The following ZSCAN32 variants were observed in gnomAD, a reference collection of about 807,000 sequenced individuals.
ZSCAN32 encodes the protein zinc finger and SCAN domain-containing protein 32.
ZSCAN32 carries 52 observed loss-of-function variants against 47.4 expected under a neutral mutation model. That is an observed-to-expected ratio of 1.10 (90% confidence interval 0.88 to 1.38). The LOEUF is 1.38. ZSCAN32 is among the 40% of genes most tolerant of loss of function. The pLI is 0.00. For missense variants in ZSCAN32, 959 were observed against 846.0 expected (o/e 1.13, Z -1.66); for synonymous variants, 346 against 305.7 (o/e 1.13, Z -1.38).
intron 2 of ZSCAN32, among the ~76,000 whole-genome samples, chr16:3,394,450 G>GT (rs1326839349): frequency 6.6e-6 from 1 of 152,074 alleles, no homozygotes; most frequent in African/African-American, 2.4e-5. Context: ...CCCAAATCCA[G>GT]TATCAGTTCT....
chr16:3,391,551 C>T (rs559679136), intron 3 of ZSCAN32, among the ~76,000 whole-genome samples: 3 of 151,890 alleles, frequency 2.0e-5, no homozygotes, highest in Admixed American at 1.3e-4. Flanking sequence ...TGGTGGCAGG[C>T]GCCTGTAATC....
At position 3,383,031 on chromosome 16, in the gene ZSCAN32, C is replaced by G. The variant is rs2031416343; in HGVS notation, c.1915G>C (p.Gly639Arg). The G allele has an allele frequency of 6.2e-7, 1 of 1,614,058 alleles. No homozygotes were observed. Among genetic ancestry groups the G allele is most frequent in the East Asian group, 2.2e-5 (1 of 44,874 alleles). The change falls in exon 7 of 7, where the codon GGG (glycine) becomes CGG (arginine). Residue 639 changes from glycine (G) to arginine (R), a missense_variant. Gly to Arg is a moderately radical substitution (Grantham distance 125). Coordinates refer to ENST00000396852, the MANE Select transcript of ZSCAN32 (RefSeq NM_001284527.2). ...GESPYKCAVC[G>R]KIFNNSSHFS... ...TGGGAGCTATTGTTGAAGATTTTCC[C>G]ACACACTGCACACTTGTATGGGCTC...
At position 3,383,366 on chromosome 16, in the gene ZSCAN32, C is replaced by T; in HGVS notation, c.1580G>A (p.Gly527Glu). The change falls in exon 7 of 7, where the codon GGG becomes GAG. Residue 527 changes from glycine (G) to glutamate (E), a missense_variant. Physicochemically the swap from Gly to Glu is moderately conservative, Grantham distance 98 (BLOSUM62 -2). Coordinates refer to ENST00000396852, the MANE Select transcript of ZSCAN32 (RefSeq NM_001284527.2). ...LEKVSQCPEC[G>E]KTFSRSSYLV... is the part of the protein sequence containing the mutation. ...ATAAGAACTTCGGCTAAAGGTTTTC[C>T]CACATTCAGGACATTGAGATACTTT... The T allele has an allele frequency of 6.2e-7, 1 of 1,614,206 alleles. No individual in the cohort carries two copies. Among genetic ancestry groups the T allele is most frequent in the South Asian group, 1.1e-5 (1 of 91,080 alleles).
At position 3,383,137 on chromosome 16, in the gene ZSCAN32, C is replaced by CTT; in HGVS notation, c.1807_1808dup (p.Pro604SerfsTer82). The CTT allele has an allele frequency of 6.2e-7, 1 of 1,614,190 alleles. No homozygotes were observed. Among genetic ancestry groups the CTT allele is most frequent in the East Asian group, 2.2e-5 (1 of 44,882 alleles). On this transcript the variant is annotated frameshift_variant, in exon 7 of 7. Transcript: ENST00000396852. LOFTEE classifies it low-confidence loss of function (END_TRUNC). ...TTCCACAGACAATGCACTGGTAAGG[C>CTT]TTTTCCCCGGTATGGGTCCTCTGGT...
intron 3 of ZSCAN32, 91 bp from the exon 4 acceptor site, chr16:3,390,608 T>A (rs527368311): frequency 6.9e-6 from 7 of 1,018,316 alleles, no homozygotes; most frequent in Non-Finnish European, 1.0e-5. Flanking sequence ...GCCAGCCGCA[T>A]CAGCAGCCCC....
chr16:3,383,248 G>A lies in ZSCAN32; in HGVS notation c.1698C>T (p.Ala566=), dbSNP rs754506552. The A allele has an allele frequency of 4.6e-5, 75 of 1,613,950 alleles. No individual in the cohort carries two copies. The highest frequency in any genetic ancestry group is 6.6e-5 in the South Asian group (6 of 91,080). ...KGFSERSNLT[A]HLRTHTGERP... Reference sequence around the variant, plus strand: ...TCTCCCCTGTGTGAGTTCGTAGGTGGGCAGTGAGGTTGGAGCGCTCACTAA... The same window carrying A: ...TCTCCCCTGTGTGAGTTCGTAGGTGAGCAGTGAGGTTGGAGCGCTCACTAA... Residue 566 remains alanine (A), a synonymous_variant, in exon 7 of 7, where the codon GCC becomes GCT. Coordinates refer to ENST00000396852, the MANE Select transcript of ZSCAN32 (RefSeq NM_001284527.2).
chr16:3,390,041 G>T lies in ZSCAN32; in HGVS notation c.720C>A (p.Ala240=), dbSNP rs1439527665. 6.2e-7 allele frequency: 1 copy of T among 1,613,738 alleles called. No individual in the cohort carries two copies. Among genetic ancestry groups the T allele is most frequent in the East Asian group, 2.2e-5 (1 of 44,882 alleles). The change falls in exon 5 of 7, where the codon GCC becomes GCA. Residue 240 remains alanine, a synonymous_variant. Transcript: ENST00000396852. ...GPAQRALYRG[A]TQRKDSHVSL... ...AGACGTGACTGTCCTTCCTCTGGGT[G>T]GCACCCCTGTAGAGGGCCCTTTGTG...
Position 3,397,210 on chromosome 16 carries a change from CTG to C in ZSCAN32, c.346_347del (p.Gln116GlufsTer11). ...EEAVALVEDVQRAPGQQVLDS... is the reference protein window; with the variant it reads ...EEAVALVEDVXRAPGQQVLDS... ...TTCTCACCTGTTGTCCAGGAGCTCT[CTG>C]TACATCCTCAACCAGAGCCACAGCT... is the stretch of plus-strand genomic sequence containing the variant. On this transcript the variant is annotated frameshift_variant, in exon 2 of 7. Transcript: ENST00000396852. LOFTEE classifies it high-confidence loss of function. 1 of 1,544,292 alleles carries C rather than the reference CTG, an allele frequency of 6.5e-7. No homozygotes were observed. Among genetic ancestry groups the C allele is most frequent in the Non-Finnish European group, 8.7e-7 (1 of 1,144,066 alleles).
chr16:3,392,717 T>C (rs1222008784), intron 3 of ZSCAN32, among the ~76,000 whole-genome samples: 1 of 151,888 alleles, frequency 6.6e-6, no homozygotes, highest in Non-Finnish European at 1.5e-5. Context: ...TCCCAGCTAC[T>C]TGGGAGGCTG....
chr16:3,400,038 A>G (rs1596246783), intron 1 of ZSCAN32, among the ~76,000 whole-genome samples: 2 of 152,232 alleles, frequency 1.3e-5, no homozygotes, highest in East Asian at 3.8e-4. Context: ...TCCAGCATGC[A>G]CAACAAGATG....
rs766865113 is a variant in ZSCAN32 at position 3,397,533 on chromosome 16, C to G, written c.25G>C (p.Glu9Gln). Residue 9 changes from glutamate (E) to glutamine (Q), a missense_variant, in exon 2 of 7, where the codon GAG (glutamate) becomes CAG (glutamine). By Grantham distance (29) the Glu-to-Gln change is conservative. Coordinates refer to ENST00000396852, the MANE Select transcript of ZSCAN32 (RefSeq NM_001284527.2). ...TCCTTGTTTGAGGATGGGTGTGCCT[C>G]GGTACTCTTCACTGCAGCCATCATT... Reference protein sequence around the residue: MMAAVKSTEAHPSSNKDPT... With the variant: MMAAVKSTQAHPSSNKDPT... 10 of 1,545,618 alleles carry G rather than the reference C, an allele frequency of 6.5e-6. No homozygotes were observed. The highest frequency in any genetic ancestry group is 4.0e-5 in the Admixed American group (2 of 50,568).
intron 5 of ZSCAN32, 35 bp from the exon 6 acceptor site, chr16:3,384,976 A>C: frequency 6.3e-7 from 1 of 1,591,414 alleles, no homozygotes; most frequent in Non-Finnish European, 8.5e-7. Context: ...TAGATCTGTC[A>C]GTTAGATCAT....
intron 1 of ZSCAN32, among the ~76,000 whole-genome samples, chr16:3,399,614 TG>T (rs1427215600): frequency 2.6e-5 from 4 of 152,280 alleles, no homozygotes; most frequent in Middle Eastern, 3.4e-3. Context: ...TAATTTTATT[TG>T]TTTTTTTATC....
intron 3 of ZSCAN32, among the ~76,000 whole-genome samples, chr16:3,392,834 A>G (rs1408277176): frequency 6.6e-6 from 1 of 152,036 alleles, no homozygotes; most frequent in Non-Finnish European, 1.5e-5. Flanking sequence ...TCAAAAAACA[A>G]AGAAACAAAA....
intron 3 of ZSCAN32, 128 bp from the exon 4 acceptor site, chr16:3,390,645 T>C: frequency 2.8e-6 from 2 of 718,810 alleles, no homozygotes; most frequent in Non-Finnish European, 4.5e-6. Context: ...ATACAAATTC[T>C]GGGGCCCCAC....
At chr16:3,384,152 T>A (rs2031633047) in intron 6 of ZSCAN32, 2 of 543,346 alleles carry the variant, frequency 3.7e-6, no homozygotes, top group African/African-American at 3.8e-5. Context: ...GGCAAGGCCA[T>A]GCTAGAGAAA....
intron 5 of ZSCAN32, among the ~76,000 whole-genome samples, chr16:3,386,401 G>A (rs1194603615): frequency 2.0e-5 from 3 of 146,896 alleles, no homozygotes; most frequent in Non-Finnish European, 4.4e-5. Context: ...CAGGGATCTA[G>A]AACCAGAAAT....
Position 3,382,810 on chromosome 16 carries a change from A to G in ZSCAN32, c.*42T>C. The G allele has an allele frequency of 2.6e-6, 4 of 1,529,290 alleles. No individual in the cohort carries two copies. Among genetic ancestry groups the G allele is most frequent in the Non-Finnish European group, 3.5e-6 (4 of 1,137,612 alleles). The allele number at this position is 1,529,290 out of a possible 1,614,324, so 94.7% of individuals were successfully genotyped here. ...CTCCACAGCAGAAGAAAGCTCATAC[A>G]TGCTGACCTGAGGAACTTAATCTGA... On this transcript the variant is annotated 3_prime_UTR_variant, in exon 7 of 7. Transcript: ENST00000396852.
chr16:3,390,322 C>T, intron 4 of ZSCAN32, 101 bp downstream of exon 4: 1 of 1,363,152 alleles, frequency 7.3e-7, no homozygotes, highest in South Asian at 1.4e-5. Flanking sequence ...CCCGAGAAGC[C>T]CCATGGACCA....
Sources: allele counts gnomAD v4.1 joint callset (sites outside exome capture counted in the v4.1 genomes callset), GRCh38; gene constraint gnomAD v4.1.1; transcripts MANE v1.5; gene names NCBI Gene and HGNC (gene_info 2026-07-23, HGNC 2026-07-21).